The following TENM1 variants were observed in gnomAD, a reference collection of about 807,000 sequenced individuals.
TENM1 encodes the protein teneurin transmembrane protein 1.
In TENM1, 35 loss-of-function variants were observed where a neutral mutation model predicts 174.8. That is an observed-to-expected ratio of 0.20 (90% confidence interval 0.15 to 0.27). The LOEUF (loss-of-function observed/expected upper bound fraction) is 0.27. Among genes scored for constraint, TENM1 ranks in the 10% least tolerant of loss-of-function variants. TENM1 has a pLI of 1.00. For missense variants in TENM1, 1,633 were observed against 2,130.1 expected (o/e 0.77, Z 4.59); for synonymous variants, 781 against 798.7 (o/e 0.98, Z 0.37).
At chrX:124,974,902 A>ATATATATATATATATAT in the TENM1 span, among the ~76,000 whole-genome samples, 9 of 91,944 alleles carry the variant, frequency 9.8e-5, no homozygotes, top group Non-Finnish European at 1.7e-4. Context: ...ATATATATAT[A>ATATATATATATATATAT]AAATAATTTT....
At chrX:124,860,960 C>A (rs1346014731) in intron 3 of TENM1, among the ~76,000 whole-genome samples, 1 of 111,482 alleles carries the variant, frequency 9.0e-6, no homozygotes, top group Admixed American at 9.5e-5. Flanking sequence ...TCTTGATAAA[C>A]CTTCTTGTGG....
At position 124,462,254 on chromosome X, in the gene TENM1, T is replaced by C. The variant is rs1028830733; in HGVS notation, c.3950-8763A>G. Among the ~76,000 whole-genome samples the C allele has an allele frequency of 2.7e-5, 3 of 110,298 alleles. No homozygotes were observed. In the East Asian group the frequency reaches 8.5e-4, roughly 31 times the overall value. ...GGCTGGCTGCATGCAGACCATCCAG[T>C]AGAGGACTCCAAGGCCTAAGGCATT... is the stretch of plus-strand genomic sequence containing the variant. On this transcript the variant is annotated intron_variant, in intron 22 of 31. Transcript: ENST00000422452.
At chrX:124,972,505 TTTAG>T in the TENM1 span, among the ~76,000 whole-genome samples, 383 of 111,932 alleles carry the variant, frequency 3.4e-3, 9 homozygotes, top group African/African-American at 0.011. Flanking sequence ...ATTGACTTCA[TTTAG>T]TTAGTCAGAA....
Position 124,380,947 on chromosome X carries a change from A to T in TENM1, c.7788T>A (p.Gly2596=). Residue 2596 remains glycine (G), a synonymous_variant, in exon 32 of 32, where the codon GGT becomes GGA. Transcript: ENST00000422452. ...CCAGAATCCGCCTCCCCCCAGTGTTACCGATGAGCACCAGGTCTTCCTCCA... is the reference window on the plus strand; with the variant it reads ...CCAGAATCCGCCTCCCCCCAGTGTTTCCGATGAGCACCAGGTCTTCCTCCA... The T allele has an allele frequency of 3.3e-6, 4 of 1,211,531 alleles. No homozygotes were observed. The South Asian group carries it at 7.0e-5, about 21-fold the overall frequency.
At chrX:124,669,132 C>T (rs192887905) in intron 6 of TENM1, among the ~76,000 whole-genome samples, 2 of 112,073 alleles carry the variant, frequency 1.8e-5, no homozygotes, top group Admixed American at 1.9e-4. Flanking sequence ...GTGCTATATG[C>T]TTTATATCAA....
At chrX:125,155,046 C>G in the TENM1 span, among the ~76,000 whole-genome samples, 1 of 111,685 alleles carries the variant, frequency 9.0e-6, no homozygotes, top group African/African-American at 3.3e-5. Context: ...TGCTTTTATT[C>G]TCTTACCTGG....
chrX:124,717,382 G>A (rs1032971777), intron 4 of TENM1, among the ~76,000 whole-genome samples: 8 of 111,740 alleles, frequency 7.2e-5, no homozygotes, highest in South Asian at 3.8e-4. Context: ...AGAGGCAATC[G>A]TATTCTCTCT....
intron 3 of TENM1, among the ~76,000 whole-genome samples, chrX:124,802,648 C>A (rs1430861822): frequency 9.0e-6 from 1 of 111,656 alleles, no homozygotes; most frequent in African/African-American, 3.3e-5. Flanking sequence ...GATGACAGAA[C>A]CTGGATACCT....
At chrX:124,796,273 T>C (rs1055953379) in intron 3 of TENM1, among the ~76,000 whole-genome samples, 3 of 112,106 alleles carry the variant, frequency 2.7e-5, no homozygotes, top group Admixed American at 9.5e-5. Context: ...TTATTTCTTA[T>C]GAGGAATTCA....
chrX:124,595,836 G>A (rs1027010909), intron 11 of TENM1, among the ~76,000 whole-genome samples: 1 of 111,615 alleles, frequency 9.0e-6, no homozygotes, highest in Non-Finnish European at 1.9e-5. Context: ...TCCAAACCCT[G>A]TAACTGTCAC....
intron 11 of TENM1, among the ~76,000 whole-genome samples, chrX:124,584,110 T>C (rs1040933613): frequency 5.8e-4 from 64 of 110,636 alleles, no homozygotes; most frequent in Non-Finnish European, 8.9e-4. Context: ...GAAAATGCTC[T>C]GCAGGATATT....
chrX:124,849,179 A>T (rs2056669726), intron 3 of TENM1, among the ~76,000 whole-genome samples: 1 of 111,204 alleles, frequency 9.0e-6, no homozygotes, highest in Admixed American at 9.6e-5. Context: ...TTCTCTTAAG[A>T]CTTAGGCCAG....
chrX:125,098,401 A>G, the TENM1 span, among the ~76,000 whole-genome samples: 1 of 112,377 alleles, frequency 8.9e-6, no homozygotes, highest in Non-Finnish European at 1.9e-5. Context: ...TAATGAATGA[A>G]GCTTCAATGC....
At chrX:124,851,154 C>G (rs2056712524) in intron 3 of TENM1, among the ~76,000 whole-genome samples, 1 of 111,613 alleles carries the variant, frequency 9.0e-6, no homozygotes, top group Non-Finnish European at 1.9e-5. Context: ...CTCTTCTTTT[C>G]TGTTTTCCTG....
chrX:124,936,312 G>A (rs1235301212), intron 1 of TENM1, among the ~76,000 whole-genome samples: 1 of 111,417 alleles, frequency 9.0e-6, no homozygotes, highest in African/African-American at 3.3e-5. Context: ...CTTTGGACAT[G>A]CTGTTTCCCC....
At chrX:124,409,078 A>T (rs1277728201) in intron 25 of TENM1, among the ~76,000 whole-genome samples, 1 of 109,990 alleles carries the variant, frequency 9.1e-6, no homozygotes, top group Non-Finnish European at 1.9e-5. Flanking sequence ...ATTATTGGAC[A>T]TTTGGGTTGG....
At chrX:124,987,898 T>G in the TENM1 span, among the ~76,000 whole-genome samples, 1 of 111,479 alleles carries the variant, frequency 9.0e-6, no homozygotes, top group South Asian at 3.7e-4. Flanking sequence ...GCATTTACAT[T>G]GATACCTGGT....
intron 11 of TENM1, among the ~76,000 whole-genome samples, chrX:124,573,947 T>C (rs187971199): frequency 8.9e-6 from 1 of 112,313 alleles, no homozygotes; most frequent in African/African-American, 3.2e-5. Context: ...TTTGCTCTAA[T>C]ACATTTGTCT....
At chrX:125,114,617 CA>C in the TENM1 span, among the ~76,000 whole-genome samples, 5,692 of 108,179 alleles carry the variant, frequency 0.053, 382 homozygotes, top group African/African-American at 0.18. Context: ...CACTTCTACA[CA>C]AAAAAAAACT....
Sources: allele counts gnomAD v4.1 joint callset (sites outside exome capture counted in the v4.1 genomes callset), GRCh38; gene constraint gnomAD v4.1.1; transcripts MANE v1.5; gene names NCBI Gene and HGNC (gene_info 2026-07-23, HGNC 2026-07-21).